The following S100A8 variants were observed in gnomAD, a reference collection of about 807,000 sequenced individuals.
S100A8 encodes the protein protein S100-A8.
Under a neutral mutation model 4.2 loss-of-function variants are expected in S100A8, and 1 was observed. That is an observed-to-expected ratio of 0.24 (90% CI 0.08 to 1.12). The LOEUF is 1.12. Ranked by LOEUF, S100A8 falls within the 50% of genes most tolerant of loss-of-function variation. S100A8 has a pLI of 0.53. For synonymous variants in S100A8, 41 were observed against 44.7 expected, an observed-to-expected ratio of 0.92 and a Z score of 0.33; for missense variants, 96 against 111.8, an observed-to-expected ratio of 0.86 and a Z score of 0.64.
At chr1:153,399,445 A>T in the S100A8 span, among the ~76,000 whole-genome samples, 1 of 152,162 alleles carries the variant, frequency 6.6e-6, no homozygotes, top group African/African-American at 2.4e-5. Context: ...TCTCAGCTCC[A>T]GGGCTTGGGT....
At chr1:153,421,265 C>T in the S100A8 span, 38 of 152,274 alleles carry the variant, frequency 2.5e-4, no homozygotes, top group Non-Finnish European at 4.3e-4. Flanking sequence ...GAGGGTGAAC[C>T]ACCATCCCTT....
At chr1:153,415,717 G>C in the S100A8 span, among the ~76,000 whole-genome samples, 1 of 144,170 alleles carries the variant, frequency 6.9e-6, no homozygotes, top group Non-Finnish European at 1.5e-5. Context: ...ATGGGGCGGG[G>C]GGGGCGGGGG....
chr1:153,417,872 G>T, the S100A8 span: 5 of 617,266 alleles, frequency 8.1e-6, no homozygotes, highest in African/African-American at 3.7e-5. Flanking sequence ...CCCTGGCCAG[G>T]ATGGGCCGGG....
chr1:153,399,454 G>A, the S100A8 span, among the ~76,000 whole-genome samples: 1 of 152,130 alleles, frequency 6.6e-6, no homozygotes, highest in East Asian at 1.9e-4. Context: ...CAGGGCTTGG[G>A]TGGGGTCAGA....
the S100A8 span, among the ~76,000 whole-genome samples, chr1:153,397,838 G>A: frequency 4.6e-5 from 7 of 152,246 alleles, no homozygotes; most frequent in East Asian, 3.9e-4. Flanking sequence ...CCCTCACCTC[G>A]GCCCACCTTC....
the S100A8 span, among the ~76,000 whole-genome samples, chr1:153,398,211 G>A: frequency 6.6e-6 from 1 of 152,146 alleles, no homozygotes; most frequent in Admixed American, 6.5e-5. Flanking sequence ...ACCCTTGCAG[G>A]CCCCAAGGAG....
At chr1:153,402,839 G>C in the S100A8 span, among the ~76,000 whole-genome samples, 1 of 152,058 alleles carries the variant, frequency 6.6e-6, no homozygotes, top group Non-Finnish European at 1.5e-5. Flanking sequence ...GACATGGGAG[G>C]ATCTACAGTA....
the S100A8 span, among the ~76,000 whole-genome samples, chr1:153,398,611 G>T: frequency 6.6e-6 from 1 of 152,210 alleles, no homozygotes; most frequent in Non-Finnish European, 1.5e-5. Flanking sequence ...TTCCTCTGGA[G>T]ATGAGACAAG....
chr1:153,401,106 T>C, the S100A8 span, among the ~76,000 whole-genome samples: 1 of 152,266 alleles, frequency 6.6e-6, no homozygotes, highest in Admixed American at 6.5e-5. Flanking sequence ...GTAACTGCAC[T>C]TTTTGCTTAA....
At chr1:153,394,915 C>T (rs1359946076), upstream of S100A8, among the ~76,000 whole-genome samples, 1 of 152,178 alleles carries the variant, frequency 6.6e-6, no homozygotes, top group Non-Finnish European at 1.5e-5. Flanking sequence ...ATTTCTATCT[C>T]AGTAAGCTCA....
chr1:153,396,543 C>T, the S100A8 span: 1 of 152,806 alleles, frequency 6.5e-6, no homozygotes, highest in African/African-American at 2.4e-5. Context: ...AAGGTCACAC[C>T]TCCTCCTGGG....
chr1:153,406,004 C>A, the S100A8 span, among the ~76,000 whole-genome samples: 22 of 152,268 alleles, frequency 1.4e-4, no homozygotes, highest in South Asian at 4.2e-3. Context: ...CAGAAGGACC[C>A]CAAACAGAAC....
the S100A8 span, among the ~76,000 whole-genome samples, chr1:153,399,402 C>A: frequency 1.3e-5 from 2 of 152,250 alleles, no homozygotes; most frequent in African/African-American, 4.8e-5. Context: ...ACAAAAGGTC[C>A]CATTATCTGT....
the S100A8 span, among the ~76,000 whole-genome samples, chr1:153,410,268 A>G: frequency 6.6e-6 from 1 of 152,242 alleles, no homozygotes; most frequent in Non-Finnish European, 1.5e-5. Context: ...GAAGAATCAA[A>G]TAGACGCAAT....
At chr1:153,392,057 GT>G (rs1297396492), upstream of S100A8, among the ~76,000 whole-genome samples, 2 of 152,170 alleles carry the variant, frequency 1.3e-5, no homozygotes, top group African/African-American at 4.8e-5. Context: ...ACTGTGGTGT[GT>G]TTCTGTTGTT....
At chr1:153,395,552 C>T (rs1662194815), upstream of S100A8, among the ~76,000 whole-genome samples, 1 of 152,176 alleles carries the variant, frequency 6.6e-6, no homozygotes, top group Non-Finnish European at 1.5e-5. Flanking sequence ...TCGTCACAGC[C>T]TCTAGCCAGG....
At chr1:153,391,211 C>T, upstream of S100A8, 3 of 985,468 alleles carry the variant, frequency 3.0e-6, no homozygotes, top group Non-Finnish European at 3.6e-6. Flanking sequence ...GTGGCAATCA[C>T]TGTGCAGAAT....
chr1:153,410,574 C>T, the S100A8 span, among the ~76,000 whole-genome samples: 1 of 152,136 alleles, frequency 6.6e-6, no homozygotes, highest in Non-Finnish European at 1.5e-5. Context: ...GGTACCATTC[C>T]TTCTGAAACT....
upstream of S100A8, among the ~76,000 whole-genome samples, chr1:153,395,603 A>T (rs1257182085): frequency 6.6e-6 from 1 of 151,888 alleles, no homozygotes; most frequent in Non-Finnish European, 1.5e-5. Flanking sequence ...CCAAACCCCT[A>T]CCACTAGTTT....
Sources: allele counts gnomAD v4.1 joint callset (sites outside exome capture counted in the v4.1 genomes callset), GRCh38; gene constraint gnomAD v4.1.1; transcripts MANE v1.5; gene names NCBI Gene and HGNC (gene_info 2026-07-23, HGNC 2026-07-21).